CTNNA2: variants seen among roughly 807,000 people sequenced by gnomAD.
CTNNA2 encodes catenin alpha 2.
A neutral mutation model predicts 101.0 loss-of-function variants in CTNNA2; 42 were observed. That is an observed-to-expected ratio of 0.42 (90% confidence interval 0.32 to 0.54). The LOEUF is 0.54. Ranked by LOEUF, CTNNA2 falls within the 20% of genes least tolerant of loss-of-function variation. The pLI is 0.14. For synonymous variants in CTNNA2, 450 were observed against 456.4 expected, an observed-to-expected ratio of 0.99 and a Z score of 0.18; for missense variants, 871 against 1,223.1, an observed-to-expected ratio of 0.71 and a Z score of 4.29.
intron 4 of CTNNA2, among the ~76,000 whole-genome samples, chr2:79,436,805 G>A (rs1202774733): frequency 6.6e-6 from 1 of 151,894 alleles, no homozygotes. Flanking sequence ...CTAATTTTTT[G>A]TATTTTTAGT....
intron 7 of CTNNA2, among the ~76,000 whole-genome samples, chr2:80,390,757 C>A (rs1677432892): frequency 1.3e-5 from 2 of 152,154 alleles, no homozygotes; most frequent in Admixed American, 1.3e-4. Flanking sequence ...CTAATCCTAG[C>A]CCTATTGGAT....
intron 7 of CTNNA2, among the ~76,000 whole-genome samples, chr2:80,121,062 G>T (rs553896728): frequency 6.6e-6 from 1 of 152,300 alleles, no homozygotes; most frequent in Admixed American, 6.5e-5. Context: ...AAAAAATGCT[G>T]ATGGAAGCCA....
intron 2 of CTNNA2, among the ~76,000 whole-genome samples, chr2:79,240,128 G>A (rs1047246362): frequency 2.6e-5 from 4 of 151,386 alleles, no homozygotes; most frequent in Admixed American, 6.6e-5. Context: ...GACAGGTCTC[G>A]AACTCCCAGC....
chr2:79,945,927 G>A (rs2104473107), intron 7 of CTNNA2, among the ~76,000 whole-genome samples: 2 of 152,254 alleles, frequency 1.3e-5, no homozygotes, highest in Admixed American at 1.3e-4. Flanking sequence ...TGCTATGGGA[G>A]CAGAAAACAT....
chr2:80,491,152 G>A (rs1220512605), intron 9 of CTNNA2, among the ~76,000 whole-genome samples: 2 of 152,150 alleles, frequency 1.3e-5, no homozygotes, highest in African/African-American at 4.8e-5. Flanking sequence ...CTGAGGTCTG[G>A]GCATACCTTA....
chr2:80,274,625 T>C (rs1314202862), intron 7 of CTNNA2, among the ~76,000 whole-genome samples: 2 of 152,248 alleles, frequency 1.3e-5, no homozygotes, highest in African/African-American at 4.8e-5. Context: ...TTAGCATTTT[T>C]CCCTACTGGG....
intron 3 of CTNNA2, chr2:79,319,651 C>G (rs1676573918): frequency 6.6e-6 from 1 of 151,918 alleles, no homozygotes; most frequent in South Asian, 2.1e-4. Context: ...ATGTTTCAAA[C>G]AAATTGATGA....
At chr2:79,483,403 C>T (rs1671128617) in intron 4 of CTNNA2, among the ~76,000 whole-genome samples, 1 of 152,174 alleles carries the variant, frequency 6.6e-6, no homozygotes, top group Admixed American at 6.5e-5. Flanking sequence ...ATTGCCAGCT[C>T]CTCTTCTTTA....
intron 1 of CTNNA2, among the ~76,000 whole-genome samples, chr2:79,614,203 T>C (rs986443386): frequency 5.9e-5 from 9 of 152,302 alleles, no homozygotes; most frequent in Admixed American, 2.0e-4. Context: ...TACTCCTCTT[T>C]AATATGTTAT....
chr2:79,573,223 C>T (rs1426392116), intron 1 of CTNNA2, among the ~76,000 whole-genome samples: 1 of 152,140 alleles, frequency 6.6e-6, no homozygotes, highest in Non-Finnish European at 1.5e-5. Context: ...GAATGCTATT[C>T]CTTACAACGA....
At chr2:79,825,627 A>G (rs1263723524) in intron 3 of CTNNA2, among the ~76,000 whole-genome samples, 1 of 152,160 alleles carries the variant, frequency 6.6e-6, no homozygotes, top group Non-Finnish European at 1.5e-5. Context: ...GGCCTATGAC[A>G]CTAAAATGGA....
intron 7 of CTNNA2, chr2:80,304,871 A>G: frequency 5.8e-6 from 1 of 171,876 alleles, no homozygotes; most frequent in Admixed American, 6.6e-5. Context: ...TTTTTTGATG[A>G]AACGGAAAAC....
chr2:79,262,563 A>T (rs1055259973), intron 2 of CTNNA2, among the ~76,000 whole-genome samples: 3 of 152,138 alleles, frequency 2.0e-5, no homozygotes, highest in African/African-American at 7.2e-5. Context: ...AAACTTAGAG[A>T]TAATCTCTAA....
intron 3 of CTNNA2, among the ~76,000 whole-genome samples, chr2:79,347,788 CTTTTTT>C (rs35044310): frequency 4.5e-5 from 6 of 132,684 alleles, no homozygotes; most frequent in African/African-American, 5.6e-5. Context: ...CCTAGCCTTC[CTTTTTT>C]TTTTTTTTTT....
At chr2:79,943,634 C>T (rs1688303660) in intron 7 of CTNNA2, among the ~76,000 whole-genome samples, 1 of 152,202 alleles carries the variant, frequency 6.6e-6, no homozygotes. Flanking sequence ...ATGTAACTTC[C>T]TCTCTGCTCA....
At chr2:80,323,977 CT>C (rs1214866116) in intron 7 of CTNNA2, among the ~76,000 whole-genome samples, 1 of 152,148 alleles carries the variant, frequency 6.6e-6, no homozygotes, top group Non-Finnish European at 1.5e-5. Flanking sequence ...TCCCTTAAAG[CT>C]GCAATTAAAG....
intron 9 of CTNNA2, among the ~76,000 whole-genome samples, chr2:80,539,082 G>A (rs531327666): frequency 2.0e-4 from 31 of 152,176 alleles, no homozygotes; most frequent in African/African-American, 6.5e-4. Flanking sequence ...GGAGTGGAGC[G>A]ATCTCGGCTC....
intron 7 of CTNNA2, among the ~76,000 whole-genome samples, chr2:79,916,034 G>A (rs542273488): frequency 2.6e-5 from 4 of 152,276 alleles, no homozygotes; most frequent in South Asian, 4.1e-4. Flanking sequence ...AAGGCTCATC[G>A]TTGATTAAAC....
At chr2:79,930,263 AAAG>A in intron 7 of CTNNA2, among the ~76,000 whole-genome samples, 1 of 42,510 alleles carries the variant, frequency 2.4e-5, no homozygotes, top group Non-Finnish European at 6.6e-5. Flanking sequence ...AGAAAGAAAG[AAAG>A]AAAGAAAGAA....
Sources: allele counts gnomAD v4.1 joint callset (sites outside exome capture counted in the v4.1 genomes callset), GRCh38; gene constraint gnomAD v4.1.1; transcripts MANE v1.5; gene names NCBI Gene and HGNC (gene_info 2026-07-23, HGNC 2026-07-21).